SERAC1: variants seen among roughly 807,000 people sequenced by gnomAD.
The protein encoded by SERAC1 is serine active site containing 1.
A neutral mutation model predicts 85.7 loss-of-function variants in SERAC1; 36 were observed. The observed-to-expected ratio is 0.42, with a 90% CI of 0.32 to 0.55. The LOEUF (loss-of-function observed/expected upper bound fraction) is 0.55, where lower values mean the gene tolerates loss of function less well. Ranked by LOEUF, SERAC1 falls within the 20% of genes least tolerant of loss-of-function variation. The probability of loss-of-function intolerance (pLI) is 0.11; values close to 1 mark genes in which losing one functional copy is unlikely to be tolerated. For synonymous variants in SERAC1, 242 were observed against 265.3 expected (o/e 0.91, Z 0.85); for missense variants, 629 against 796.2 (o/e 0.79, Z 2.53).
intron 3 of SERAC1, among the ~76,000 whole-genome samples, 158 bp from the exon 4 acceptor site, chr6:158,150,747 C>CACAT (rs1279859266): frequency 6.6e-6 from 1 of 152,162 alleles, no homozygotes; most frequent in Non-Finnish European, 1.5e-5. Flanking sequence ...AGTCATGTAT[C>CACAT]ACATACTGAC....
At position 158,113,506 on chromosome 6, in the gene SERAC1, G is replaced by GTGTT; in HGVS notation, c.1767_1770dup (p.Leu591AsnfsTer11). The GTGTT allele has an allele frequency of 1.9e-6, 3 of 1,614,056 alleles. No homozygotes were observed. The highest frequency in any genetic ancestry group is 2.5e-6 in the Non-Finnish European group (3 of 1,179,914). ...ATCATGCTGCCAATGTAGGTTGGTA[G>GTGTT]TGTTTCCACAAAATTCAGCACCTGG... On this transcript the variant is annotated frameshift_variant, in exon 16 of 17. Transcript: ENST00000647468. LOFTEE classifies it high-confidence loss of function.
At chr6:158,121,093 CAG>C (rs1435571579) in intron 10 of SERAC1, among the ~76,000 whole-genome samples, 1 of 151,898 alleles carries the variant, frequency 6.6e-6, no homozygotes, top group Non-Finnish European at 1.5e-5. Flanking sequence ...GGGAGGCAAA[CAG>C]AAAATGCATG....
chr6:158,117,476 C>T lies in SERAC1; in HGVS notation c.1403+251G>A. The T allele has an allele frequency of 6.5e-7, 1 of 1,534,370 alleles. No homozygotes were observed. The highest frequency in any genetic ancestry group is 1.2e-5 in the South Asian group (1 of 82,630). On this transcript the variant is annotated intron_variant, in intron 13 of 16. Coordinates refer to ENST00000647468, the MANE Select transcript of SERAC1 (RefSeq NM_032861.4). This position sits in a 1 kb window ranked among gnomAD's most constrained non-coding sequence, Gnocchi z 4.3. ...GACTGCTAGACAATCCACGATCCTTCACTATTAGAACAGTTGTAAATAAAC... is the reference window on the plus strand; with the variant it reads ...GACTGCTAGACAATCCACGATCCTTTACTATTAGAACAGTTGTAAATAAAC...
chr6:158,133,132 C>A (rs1373401101), intron 8 of SERAC1, among the ~76,000 whole-genome samples: 2 of 151,920 alleles, frequency 1.3e-5, no homozygotes, highest in African/African-American at 2.4e-5. Flanking sequence ...TACAGTGAAA[C>A]CCCATCTCTA....
chr6:158,138,346 A>C (rs1455146435), intron 8 of SERAC1, among the ~76,000 whole-genome samples: 2 of 150,586 alleles, frequency 1.3e-5, no homozygotes, highest in Non-Finnish European at 1.5e-5. Flanking sequence ...GAGGCAGGAG[A>C]ATTGCTTGAG....
intron 6 of SERAC1, chr6:158,145,860 A>G (rs1041738998): frequency 3.3e-5 from 5 of 152,090 alleles, no homozygotes; most frequent in Non-Finnish European, 7.4e-5. Flanking sequence ...CATTTTTACA[A>G]GACAGCTCTA....
chr6:158,128,374 G>T (rs1784596208), intron 9 of SERAC1, 104 bp from the exon 10 acceptor site: 2 of 985,312 alleles, frequency 2.0e-6, no homozygotes, highest in Non-Finnish European at 3.0e-6. Context: ...CCACTCAAGG[G>T]CAGGGATGCA....
chr6:158,155,451 A>G (rs1785307237), intron 2 of SERAC1, 100 bp from the exon 3 acceptor site: 1 of 649,340 alleles, frequency 1.5e-6, no homozygotes, highest in African/African-American at 1.8e-5. Context: ...ATATTATCAG[A>G]TAAGAAGTTA....
intron 8 of SERAC1, among the ~76,000 whole-genome samples, chr6:158,133,306 CAA>C (rs1218050790): frequency 8.2e-5 from 4 of 49,016 alleles, no homozygotes; most frequent in Non-Finnish European, 8.9e-5. Context: ...CTCAAACAGA[CAA>C]AAAAAAAAAA....
chr6:158,129,825 A>AG (rs1227671265), intron 9 of SERAC1, among the ~76,000 whole-genome samples: 3 of 151,462 alleles, frequency 2.0e-5, no homozygotes, highest in Non-Finnish European at 4.4e-5. Context: ...GCCTCCAAGT[A>AG]GCTGGGATTA....
intron 16 of SERAC1, chr6:158,112,282 G>C (rs1035002954): frequency 2.6e-5 from 4 of 152,446 alleles, no homozygotes; most frequent in African/African-American, 9.7e-5. Flanking sequence ...GTGTGGTGGT[G>C]TGCGCCTGTG....
At chr6:158,167,309 C>A (rs964475710) in intron 1 of SERAC1, among the ~76,000 whole-genome samples, 8 of 147,360 alleles carry the variant, frequency 5.4e-5, no homozygotes, top group Non-Finnish European at 4.5e-5. Context: ...GAGGCCGAGG[C>A]GGGGGATCAC....
intron 2 of SERAC1, among the ~76,000 whole-genome samples, chr6:158,157,934 T>A (rs1020124909): frequency 6.6e-6 from 1 of 152,186 alleles, no homozygotes; most frequent in Non-Finnish European, 1.5e-5. Context: ...AAAGACAACA[T>A]CTTCCTTGCT....
At chr6:158,147,005 T>G (rs1785077082) in intron 5 of SERAC1, 92 bp from the exon 6 acceptor site, 1 of 1,334,146 alleles carries the variant, frequency 7.5e-7, no homozygotes, top group Middle Eastern at 2.3e-4. Context: ...CACTGAAATC[T>G]ACAATTGGAG....
intron 2 of SERAC1, among the ~76,000 whole-genome samples, chr6:158,157,999 A>G (rs1405270455): frequency 6.6e-6 from 1 of 152,216 alleles, no homozygotes; most frequent in African/African-American, 2.4e-5. Context: ...AGCTTAATAA[A>G]TATCTGCTGA....
chr6:158,141,815 A>C (rs1285287963), intron 8 of SERAC1, among the ~76,000 whole-genome samples: 1 of 152,204 alleles, frequency 6.6e-6, no homozygotes, highest in African/African-American at 2.4e-5. Context: ...CATCAAAAAG[A>C]AAAACCATTA....
intron 10 of SERAC1, among the ~76,000 whole-genome samples, chr6:158,124,540 T>C (rs1583568757): frequency 6.6e-6 from 1 of 152,174 alleles, no homozygotes; most frequent in Non-Finnish European, 1.5e-5. Flanking sequence ...GTAATGCATA[T>C]GTTAATTCTC....
Position 158,117,881 on chromosome 6 carries a change from C to A in SERAC1, c.1309-60G>T. 1 of 1,318,998 alleles carries A rather than the reference C, an allele frequency of 7.6e-7. No individual in the cohort carries two copies. The highest frequency in any genetic ancestry group is 1.1e-6 in the Non-Finnish European group (1 of 923,016). 81.7% of individuals were successfully genotyped at this position (1,318,998 alleles called of 1,614,324 possible). A position where few individuals can be genotyped will look rare whatever the true frequency, so the allele number is the denominator to read the frequency against. On this transcript the variant is annotated intron_variant, in intron 12 of 16. Transcript: ENST00000647468. This position sits in a 1 kb window ranked among gnomAD's most constrained non-coding sequence, Gnocchi z 4.3. ...GAATCTTCACCACTGCAATTACTGCCTAGTAAATCAAATTTATAACTAAAG... is the reference window on the plus strand; with the variant it reads ...GAATCTTCACCACTGCAATTACTGCATAGTAAATCAAATTTATAACTAAAG...
intron 1 of SERAC1, among the ~76,000 whole-genome samples, chr6:158,162,409 T>C (rs1785508219): frequency 6.6e-6 from 1 of 152,242 alleles, no homozygotes; most frequent in Admixed American, 6.5e-5. Context: ...AAGATCTTTT[T>C]GATGTTCTTA....
Sources: allele counts gnomAD v4.1 joint callset (sites outside exome capture counted in the v4.1 genomes callset), GRCh38; gene constraint gnomAD v4.1.1; non-coding constraint Gnocchi (gnomAD v3.1); transcripts MANE v1.5; gene names NCBI Gene and HGNC (gene_info 2026-07-23, HGNC 2026-07-21).